NRP2: variants seen among roughly 807,000 people sequenced by gnomAD.
The protein encoded by NRP2 is neuropilin-2.
In NRP2, 52 loss-of-function variants were observed where a neutral mutation model predicts 110.4. The ratio of observed to expected loss-of-function variants is 0.47; its 90% confidence interval spans 0.38 to 0.59. The LOEUF (loss-of-function observed/expected upper bound fraction) is 0.59, where lower values mean the gene tolerates loss of function less well. Ranked by LOEUF, NRP2 falls within the 20% of genes least tolerant of loss-of-function variation. The pLI is 0.00. For synonymous variants in NRP2, 508 were observed against 468.9 expected (o/e 1.08, Z -1.08); for missense variants, 1,049 against 1,203.0 (o/e 0.87, Z 1.89).
chr2:205,769,311 C>T (rs1337662979), intron 15 of NRP2, among the ~76,000 whole-genome samples: 1 of 152,118 alleles, frequency 6.6e-6, no homozygotes, highest in African/African-American at 2.4e-5. Context: ...TCTTTGGGAG[C>T]AATCACTGTA....
intron 15 of NRP2, among the ~76,000 whole-genome samples, chr2:205,770,525 C>A (rs1449596069): frequency 1.3e-5 from 2 of 152,148 alleles, no homozygotes; most frequent in African/African-American, 4.8e-5. Context: ...CCCTCTATTG[C>A]CTGCCTCCCA....
intron 7 of NRP2, among the ~76,000 whole-genome samples, chr2:205,736,337 A>G (rs930191362): frequency 1.3e-4 from 20 of 152,202 alleles, no homozygotes; most frequent in African/African-American, 4.3e-4. Flanking sequence ...GCAAAACCCC[A>G]TCTCAAAAAT....
At chr2:205,706,042 T>A (rs1212790584) in intron 2 of NRP2, among the ~76,000 whole-genome samples, 1 of 151,990 alleles carries the variant, frequency 6.6e-6, no homozygotes, top group Non-Finnish European at 1.5e-5. Context: ...TCTGCCTCCC[T>A]GTCACCTACC....
chr2:205,787,890 T>C (rs1363500425), intron 15 of NRP2, among the ~76,000 whole-genome samples: 1 of 152,108 alleles, frequency 6.6e-6, no homozygotes, highest in Non-Finnish European at 1.5e-5. Context: ...CTGAGCAGCA[T>C]GTGTGGTCTT....
chr2:205,739,206 C>A (rs549445104), intron 7 of NRP2, among the ~76,000 whole-genome samples: 105 of 152,276 alleles, frequency 6.9e-4, no homozygotes, highest in African/African-American at 2.5e-3. Context: ...CAGCCACCAG[C>A]ATAAACACTG....
intron 15 of NRP2, among the ~76,000 whole-genome samples, chr2:205,781,687 T>C (rs1437326162): frequency 6.6e-6 from 1 of 152,204 alleles, no homozygotes; most frequent in East Asian, 1.9e-4. Flanking sequence ...TGCAGATCAC[T>C]GGGGCTCTCA....
Position 205,697,574 on chromosome 2 carries a change from A to G in NRP2, c.104A>G (p.Lys35Arg). ...DPPCGGRLNS[K>R]DAGYITSPGY... Reference sequence around the variant, plus strand: ...CCGTGCGGAGGTCGTTTGAATTCCAAAGATGCTGGCTATATCACCTCTCCC... The same window carrying G: ...CCGTGCGGAGGTCGTTTGAATTCCAGAGATGCTGGCTATATCACCTCTCCC... Residue 35 changes from lysine (K) to arginine (R), a missense_variant, in exon 2 of 17, where the codon AAA becomes AGA. Transcript: ENST00000357785. 6.2e-7 allele frequency: 1 copy of G among 1,614,034 alleles called. No individual in the cohort carries two copies. Among genetic ancestry groups the G allele is most frequent in the Non-Finnish European group, 8.5e-7 (1 of 1,179,990 alleles).
chr2:205,714,891 G>A (rs528377788), intron 2 of NRP2, among the ~76,000 whole-genome samples: 1 of 152,284 alleles, frequency 6.6e-6, no homozygotes, highest in East Asian at 1.9e-4. Context: ...GCTCACACCA[G>A]CCACTCCTTC....
intron 10 of NRP2, among the ~76,000 whole-genome samples, chr2:205,747,973 C>G (rs1033155827): frequency 6.6e-6 from 1 of 152,106 alleles, no homozygotes; most frequent in African/African-American, 2.4e-5. Context: ...TCTCTGACAT[C>G]TGGTTTCAAT....
At chr2:205,740,447 T>C in intron 7 of NRP2, 72 bp from the exon 8 acceptor site, 3 of 1,562,320 alleles carry the variant, frequency 1.9e-6, no homozygotes, top group Non-Finnish European at 2.6e-6. Flanking sequence ...TCCCATCCCC[T>C]TCAAAGACTG....
rs73983214 is a variant in NRP2, at chr2:205,685,138, C to T, written c.73+1775C>T. On this transcript the variant is annotated intron_variant, in intron 1 of 16. Transcript: ENST00000357785. The stretch of plus-strand genomic sequence containing the variant: ...CGCGACACCCGCTTGGACCCACTCC[C>T]GCTCTGCCACCTGCCTGCCGCGCTC... 6.7e-3 allele frequency among the ~76,000 whole-genome samples: 1,017 copies of T among 152,344 alleles called. 7 individuals are homozygous for T. The highest frequency in any genetic ancestry group is 0.022 in the African/African-American group (913 of 41,584).
chr2:205,789,874 T>C (rs956093968), intron 15 of NRP2, among the ~76,000 whole-genome samples: 1 of 152,218 alleles, frequency 6.6e-6, no homozygotes, highest in Non-Finnish European at 1.5e-5. Context: ...GAGAGAAAGC[T>C]CTTAATCAAA....
At chr2:205,696,240 C>T (rs1035064055) in intron 1 of NRP2, among the ~76,000 whole-genome samples, 59 of 152,304 alleles carry the variant, frequency 3.9e-4, no homozygotes, top group African/African-American at 1.4e-3. Flanking sequence ...TGCCAACAGA[C>T]ATGGGGAATA....
At chr2:205,707,427 G>C (rs1275496545) in intron 2 of NRP2, among the ~76,000 whole-genome samples, 1 of 152,162 alleles carries the variant, frequency 6.6e-6, no homozygotes, top group Non-Finnish European at 1.5e-5. Context: ...TGACAAGTTT[G>C]CCCCTGGAGC....
intron 10 of NRP2, among the ~76,000 whole-genome samples, chr2:205,746,439 A>G (rs2057540364): frequency 6.6e-6 from 1 of 152,074 alleles, no homozygotes; most frequent in African/African-American, 2.4e-5. Context: ...CTTGGGGAAC[A>G]CCTCTCATCA....
rs762367630 is a variant in NRP2, at chr2:205,749,860, C to T, written c.1903+19C>T. On this transcript the variant is annotated intron_variant, in intron 11 of 16. Transcript: ENST00000357785. ...GAGGATGGTAAGCACAAATTGCCTC[C>T]AGATGGCATGGGTGCGGACTAGTCA... 96 of 1,585,354 alleles carry T rather than the reference C, an allele frequency of 6.1e-5. No individual in the cohort carries two copies. Among genetic ancestry groups the T allele is most frequent in the Non-Finnish European group, 7.9e-5 (91 of 1,154,216 alleles).
chr2:205,690,778 T>G (rs2056298649), intron 1 of NRP2, among the ~76,000 whole-genome samples: 1 of 151,676 alleles, frequency 6.6e-6, no homozygotes, highest in Non-Finnish European at 1.5e-5. Flanking sequence ...AGACTCTGTC[T>G]CAAAAAATAA....
intron 7 of NRP2, 36 bp from the exon 8 acceptor site, chr2:205,740,483 G>C (rs768285456): frequency 1.2e-6 from 2 of 1,613,414 alleles, no homozygotes; most frequent in Non-Finnish European, 1.7e-6. Flanking sequence ...TACAAACAGG[G>C]GTTTCAATAA....
chr2:205,689,317 T>C (rs994705216), intron 1 of NRP2, among the ~76,000 whole-genome samples: 4 of 152,226 alleles, frequency 2.6e-5, no homozygotes, highest in African/African-American at 4.8e-5. Context: ...ACTTAGTCTA[T>C]GTGCCTCGGT....
Sources: allele counts gnomAD v4.1 joint callset (sites outside exome capture counted in the v4.1 genomes callset), GRCh38; gene constraint gnomAD v4.1.1; transcripts MANE v1.5; gene names NCBI Gene and HGNC (gene_info 2026-07-23, HGNC 2026-07-21).